PPP1R12A: variants seen among roughly 807,000 people sequenced by gnomAD.
PPP1R12A encodes myosin binding subunit.
A neutral mutation model predicts 139.6 loss-of-function variants in PPP1R12A; 19 were observed. That is an observed-to-expected ratio of 0.14 (90% CI 0.09 to 0.20). The LOEUF is 0.20. PPP1R12A is among the 10% of genes least tolerant of loss of function. PPP1R12A has a pLI of 1.00. For missense variants in PPP1R12A, 925 were observed against 1,211.5 expected (o/e 0.76, Z 3.51); for synonymous variants, 427 against 420.6 (o/e 1.02, Z -0.19).
chr12:79,791,000 A>T (rs1185077357), intron 19 of PPP1R12A, among the ~76,000 whole-genome samples: 1 of 152,174 alleles, frequency 6.6e-6, no homozygotes, highest in East Asian at 1.9e-4. Flanking sequence ...TGGACTAAAA[A>T]TGTTTTACTA....
At chr12:79,900,765 G>A (rs929967450) in intron 1 of PPP1R12A, among the ~76,000 whole-genome samples, 16 of 152,078 alleles carry the variant, frequency 1.1e-4, no homozygotes, top group Admixed American at 9.8e-4. Flanking sequence ...CAAAATCAAT[G>A]CAGCAATCAA....
At position 79,935,096 on chromosome 12, in the gene PPP1R12A, C is replaced by T; in HGVS notation, c.-165G>A. The T allele has an allele frequency of 7.3e-7, 1 of 1,371,254 alleles. No individual in the cohort carries two copies. Among genetic ancestry groups the T allele is most frequent in the Non-Finnish European group, 9.4e-7 (1 of 1,064,436 alleles). The allele number at this position is 1,371,254 out of a possible 1,614,324, so 84.9% of individuals were successfully genotyped here. ...GAGACTTCCAGTATCCCACAGAGCA[C>T]TGGGGCGGCGCACCCGGCCGAGCGG... On this transcript the variant is annotated 5_prime_UTR_variant, in exon 1 of 25. In the 5' UTR this introduces an upstream ATG that the reference lacks. Transcript: ENST00000450142.
intron 1 of PPP1R12A, among the ~76,000 whole-genome samples, chr12:79,913,435 C>T (rs1319887657): frequency 6.6e-6 from 1 of 152,188 alleles, no homozygotes; most frequent in Admixed American, 6.5e-5. Flanking sequence ...GTTGACAAGA[C>T]TCTCTTTTCC....
intron 1 of PPP1R12A, among the ~76,000 whole-genome samples, chr12:79,877,316 G>A (rs904768855): frequency 2.6e-5 from 4 of 152,142 alleles, no homozygotes; most frequent in South Asian, 2.1e-4. Flanking sequence ...CATAGGCAAC[G>A]TTGATACAGA....
chr12:79,833,174 T>C (rs958549385), intron 3 of PPP1R12A, among the ~76,000 whole-genome samples: 1 of 151,442 alleles, frequency 6.6e-6, no homozygotes, highest in Non-Finnish European at 1.5e-5. Flanking sequence ...GGGAGGCTGA[T>C]GTGGAAGGAT....
At chr12:79,831,580 A>G (rs1877438160) in intron 4 of PPP1R12A, among the ~76,000 whole-genome samples, 1 of 152,206 alleles carries the variant, frequency 6.6e-6, no homozygotes, top group Admixed American at 6.5e-5. Flanking sequence ...ATGAGTGGGA[A>G]TAAGAAAGAT....
intron 23 of PPP1R12A, chr12:79,779,200 AAC>A (rs1870110150): frequency 7.7e-6 from 6 of 779,530 alleles, no homozygotes; most frequent in South Asian, 7.4e-5. Flanking sequence ...AGGCAAAGCC[AAC>A]ACACAACACA....
At chr12:79,791,319 T>C (rs1424765485) in intron 19 of PPP1R12A, among the ~76,000 whole-genome samples, 1 of 152,170 alleles carries the variant, frequency 6.6e-6, no homozygotes, top group Non-Finnish European at 1.5e-5. Flanking sequence ...AATCATGGTG[T>C]TATCACTGAT....
Position 79,805,708 on chromosome 12 carries a change from C to G in PPP1R12A, c.1884G>C (p.Thr628=). The G allele has an allele frequency of 6.2e-7, 1 of 1,613,418 alleles. No individual in the cohort carries two copies. Among genetic ancestry groups the G allele is most frequent in the Non-Finnish European group, 8.5e-7 (1 of 1,179,582 alleles). The change falls in exon 14 of 25, where the codon ACG becomes ACC. Residue 628 remains threonine (T), a synonymous_variant. Coordinates refer to ENST00000450142, the MANE Select transcript of PPP1R12A (RefSeq NM_002480.3). ...STEKEKDSVP[T]AVTIPVAPTV... The stretch of plus-strand genomic sequence containing the variant: ...TTGGAGCAACAGGAATGGTCACTGC[C>G]GTAGGAACACTGTCCTTTTCTTTCT...
intron 1 of PPP1R12A, among the ~76,000 whole-genome samples, chr12:79,917,328 T>C (rs769775071): frequency 3.3e-5 from 5 of 151,302 alleles, no homozygotes; most frequent in African/African-American, 7.3e-5. Context: ...CTACTAAAAA[T>C]AGAAAAAATA....
intron 1 of PPP1R12A, among the ~76,000 whole-genome samples, chr12:79,922,628 G>T (rs1369791069): frequency 6.6e-6 from 1 of 152,184 alleles, no homozygotes; most frequent in African/African-American, 2.4e-5. Context: ...ATAAGTGGAA[G>T]TTGAACAATG....
At chr12:79,839,872 G>A (rs1479852502) in intron 3 of PPP1R12A, among the ~76,000 whole-genome samples, 1 of 152,114 alleles carries the variant, frequency 6.6e-6, no homozygotes, top group Non-Finnish European at 1.5e-5. Context: ...TTTCTTCATA[G>A]CATCATGAGA....
chr12:79,790,677 A>T (rs1871731927), intron 19 of PPP1R12A, among the ~76,000 whole-genome samples, 194 bp from the exon 20 acceptor site: 1 of 152,182 alleles, frequency 6.6e-6, no homozygotes. Context: ...TATACCTTTA[A>T]GGTCAGCAAT....
intron 2 of PPP1R12A, among the ~76,000 whole-genome samples, chr12:79,871,700 T>C (rs1008633013): frequency 6.6e-6 from 1 of 152,172 alleles, no homozygotes; most frequent in Non-Finnish European, 1.5e-5. Context: ...ATCTGGGTTT[T>C]TTTTTCTATG....
At position 79,803,103 on chromosome 12, in the gene PPP1R12A, C is replaced by G. The variant is rs940167467; in HGVS notation, c.2000+2489G>C. Reference sequence around the variant, plus strand: ...GGGATAAAAGTTACTAACTGAAATACATAAAATCTGCACCTGCAGATAATT... The same window carrying G: ...GGGATAAAAGTTACTAACTGAAATAGATAAAATCTGCACCTGCAGATAATT... On this transcript the variant is annotated intron_variant, in intron 14 of 24. Coordinates refer to ENST00000450142, the MANE Select transcript of PPP1R12A (RefSeq NM_002480.3). Among the ~76,000 whole-genome samples the G allele has an allele frequency of 5.3e-5, 8 of 152,162 alleles. 1 individual carries two copies. The highest frequency in any genetic ancestry group is 3.3e-4 in the Admixed American group (5 of 15,282).
intron 12 of PPP1R12A, 62 bp downstream of exon 12, chr12:79,807,160 CCAAA>C (rs1382143038): frequency 1.2e-5 from 11 of 884,880 alleles, no homozygotes; most frequent in South Asian, 3.4e-5. Context: ...ACTGAGGGCT[CCAAA>C]CAAATTGCCT....
chr12:79,863,076 G>A (rs927192800), intron 2 of PPP1R12A, among the ~76,000 whole-genome samples: 4 of 152,258 alleles, frequency 2.6e-5, no homozygotes, highest in African/African-American at 9.6e-5. Context: ...GAGAAAGGCT[G>A]GGTTACCCAC....
At chr12:79,928,974 T>C (rs1273592363) in intron 1 of PPP1R12A, among the ~76,000 whole-genome samples, 1 of 152,226 alleles carries the variant, frequency 6.6e-6, no homozygotes, top group Admixed American at 6.5e-5. Context: ...GCATAGAACA[T>C]GGAACTAATT....
At chr12:79,808,207 C>G (rs1874096281) in intron 11 of PPP1R12A, among the ~76,000 whole-genome samples, 1 of 152,004 alleles carries the variant, frequency 6.6e-6, no homozygotes. Flanking sequence ...CCTAAATGTT[C>G]CAAATATTTA....
Sources: gnomAD v4.1 joint callset for allele counts (sites outside exome capture counted in the v4.1 genomes callset) on GRCh38, gnomAD v4.1.1 for gene constraint, MANE v1.5 for transcripts, NCBI Gene and HGNC (gene_info 2026-07-23, HGNC 2026-07-21) for gene names.